DCDC2: variants seen among roughly 807,000 people sequenced by gnomAD.
DCDC2 encodes doublecortin domain containing 2, also known as doublecortin domain-containing protein 2.
In DCDC2, 40 loss-of-function variants were observed where a neutral mutation model predicts 50.2. That is an observed-to-expected ratio of 0.80 (90% confidence interval 0.62 to 1.04). The LOEUF (loss-of-function observed/expected upper bound fraction) is 1.04. Ranked by LOEUF, DCDC2 falls within the 50% of genes least tolerant of loss-of-function variation. The pLI is 0.00. For synonymous variants in DCDC2, 234 were observed against 210.6 expected (o/e 1.11, Z -0.96); for missense variants, 570 against 581.9 (o/e 0.98, Z 0.21).
chr6:24,288,734 T>A, intron 6 of DCDC2, 118 bp downstream of exon 6: 1 of 830,242 alleles, frequency 1.2e-6, no homozygotes, highest in South Asian at 1.5e-5. Flanking sequence ...ACATAATTGG[T>A]TATACACCAC....
At chr6:24,364,103 AT>A in the DCDC2 span, among the ~76,000 whole-genome samples, 1 of 151,766 alleles carries the variant, frequency 6.6e-6, no homozygotes, top group Non-Finnish European at 1.5e-5. Context: ...ATTCCTATTT[AT>A]TTGGCTCCTT....
At chr6:24,213,190 T>C (rs1689940405) in intron 7 of DCDC2, among the ~76,000 whole-genome samples, 1 of 152,182 alleles carries the variant, frequency 6.6e-6, no homozygotes, top group African/African-American at 2.4e-5. Flanking sequence ...TGTTTGAAAC[T>C]GATTGAGATT....
chr6:24,347,471 A>G (rs570026312), intron 2 of DCDC2, among the ~76,000 whole-genome samples: 6 of 152,352 alleles, frequency 3.9e-5, no homozygotes, highest in Non-Finnish European at 5.9e-5. Context: ...AGAAAAAGAA[A>G]AAAACTCAAC....
At chr6:24,205,577 T>C (rs1761701930) in intron 7 of DCDC2, among the ~76,000 whole-genome samples, 1 of 152,024 alleles carries the variant, frequency 6.6e-6, no homozygotes, top group Admixed American at 6.6e-5. Context: ...AAAAAATGTT[T>C]TTACTGCAGC....
chr6:24,175,487 C>T (rs1760882875), intron 9 of DCDC2, among the ~76,000 whole-genome samples: 4 of 152,166 alleles, frequency 2.6e-5, no homozygotes, highest in Admixed American at 2.6e-4. Context: ...GCTCCACAGC[C>T]CCCACAAGGG....
intron 5 of DCDC2, 56 bp downstream of exon 5, chr6:24,290,876 C>T: frequency 6.7e-7 from 1 of 1,488,188 alleles, no homozygotes; most frequent in African/African-American, 1.4e-5. Context: ...GCAAAAGACC[C>T]AATGCTATTT....
intron 2 of DCDC2, among the ~76,000 whole-genome samples, chr6:24,326,020 A>G (rs1407327656): frequency 1.3e-5 from 2 of 149,122 alleles, no homozygotes; most frequent in Non-Finnish European, 3.0e-5. Flanking sequence ...TTATCAACAT[A>G]TGTAGGAATG....
At chr6:24,215,298 G>A (rs547891982) in intron 7 of DCDC2, among the ~76,000 whole-genome samples, 1 of 152,314 alleles carries the variant, frequency 6.6e-6, no homozygotes, top group South Asian at 2.1e-4. Context: ...TGTGGCTGCA[G>A]CAAGGCTGTA....
At chr6:24,203,638 G>A (rs1177635086) in intron 8 of DCDC2, among the ~76,000 whole-genome samples, 4 of 152,140 alleles carry the variant, frequency 2.6e-5, no homozygotes. Context: ...ATTGACAAAT[G>A]GGATCTAATT....
chr6:24,247,382 GACTT>G, intron 7 of DCDC2, among the ~76,000 whole-genome samples: 1 of 151,922 alleles, frequency 6.6e-6, no homozygotes, highest in South Asian at 2.1e-4. Flanking sequence ...CTTGGGGGAA[GACTT>G]AATTAAAAGA....
At chr6:24,365,350 G>A in the DCDC2 span, among the ~76,000 whole-genome samples, 1 of 152,208 alleles carries the variant, frequency 6.6e-6, no homozygotes, top group Non-Finnish European at 1.5e-5. Flanking sequence ...GGAGTGCAAC[G>A]GCATGATCTC....
At chr6:24,234,638 T>C (rs529668738) in intron 7 of DCDC2, among the ~76,000 whole-genome samples, 8 of 152,108 alleles carry the variant, frequency 5.3e-5, no homozygotes, top group South Asian at 2.1e-4. Context: ...TGATGAAAAA[T>C]TGTGAGTATG....
At chr6:24,251,552 C>T (rs1762794236) in intron 7 of DCDC2, among the ~76,000 whole-genome samples, 1 of 152,120 alleles carries the variant, frequency 6.6e-6, no homozygotes, top group African/African-American at 2.4e-5. Flanking sequence ...GACACCTGTG[C>T]TCTTTTCAGT....
At position 24,288,887 on chromosome 6, in the gene DCDC2, G is replaced by A. The variant is rs148995850; in HGVS notation, c.724C>T (p.Pro242Ser). ...RPFGQKASSLPPIVGSRKSKG... is the reference protein window; with the variant it reads ...RPFGQKASSLSPIVGSRKSKG... ...GACTTTCTGGATCCTACAATAGGAGGTAGTGAAGAAGCTTTCTGACTGTGG... is the reference window on the plus strand; with the variant it reads ...GACTTTCTGGATCCTACAATAGGAGATAGTGAAGAAGCTTTCTGACTGTGG... Residue 242 changes from proline to serine, a missense_variant, in exon 6 of 10, where the codon CCT (proline) becomes TCT (serine). Coordinates refer to ENST00000378454, the MANE Select transcript of DCDC2 (RefSeq NM_016356.5). 2 of 1,601,988 alleles carry A rather than the reference G, an allele frequency of 1.2e-6. No individual in the cohort carries two copies. The highest frequency in any genetic ancestry group is 1.7e-6 in the Non-Finnish European group (2 of 1,176,728).
chr6:24,238,317 G>A (rs1762497392), intron 7 of DCDC2, among the ~76,000 whole-genome samples: 1 of 149,746 alleles, frequency 6.7e-6, no homozygotes, highest in South Asian at 2.1e-4. Context: ...ATTATTTTTT[G>A]AGATGGAGTC....
chr6:24,332,220 T>C (rs1159216825), intron 2 of DCDC2, among the ~76,000 whole-genome samples: 1 of 151,956 alleles, frequency 6.6e-6, no homozygotes, highest in Non-Finnish European at 1.5e-5. Flanking sequence ...TGGAATCTAT[T>C]TCCCCTCCCC....
chr6:24,335,106 CAGT>C (rs1391966526), intron 2 of DCDC2, among the ~76,000 whole-genome samples: 1 of 152,188 alleles, frequency 6.6e-6, no homozygotes, highest in Non-Finnish European at 1.5e-5. Flanking sequence ...TGTAAACTAT[CAGT>C]CATCTCAACC....
chr6:24,181,077 T>A (rs370257590), intron 8 of DCDC2, among the ~76,000 whole-genome samples: 1 of 152,166 alleles, frequency 6.6e-6, no homozygotes, highest in Non-Finnish European at 1.5e-5. Context: ...GAGCCTAGGC[T>A]GTTCAAATTT....
At chr6:24,253,347 G>A (rs1200367517) in intron 7 of DCDC2, among the ~76,000 whole-genome samples, 2 of 152,082 alleles carry the variant, frequency 1.3e-5, no homozygotes, top group Admixed American at 1.3e-4. Flanking sequence ...AAGATATAAG[G>A]AATACCTTTA....
Sources: allele counts gnomAD v4.1 joint callset (sites outside exome capture counted in the v4.1 genomes callset), GRCh38; gene constraint gnomAD v4.1.1; transcripts MANE v1.5; gene names NCBI Gene and HGNC (gene_info 2026-07-23, HGNC 2026-07-21).